Variants in SLC8A1 observed in about 807,000 individuals in gnomAD.
SLC8A1 encodes solute carrier family 8 member A1.
In SLC8A1, 18 loss-of-function variants were observed where a neutral mutation model predicts 68.3. The ratio of observed to expected loss-of-function variants is 0.26; its 90% CI spans 0.18 to 0.39. SLC8A1 has a LOEUF of 0.39. SLC8A1 is among the 10% of genes least tolerant of loss of function. SLC8A1 has a pLI of 1.00. For synonymous variants in SLC8A1, 475 were observed against 415.5 expected (o/e 1.14, Z -1.74); for missense variants, 985 against 1,156.7 (o/e 0.85, Z 2.15).
At chr2:40,143,600 T>C (rs2041958868) in intron 6 of SLC8A1, among the ~76,000 whole-genome samples, 1 of 152,176 alleles carries the variant, frequency 6.6e-6, no homozygotes, top group Non-Finnish European at 1.5e-5. Flanking sequence ...CTGGACTTCT[T>C]AAATATAACT....
At chr2:40,157,268 G>A (rs2044716591) in intron 6 of SLC8A1, among the ~76,000 whole-genome samples, 1 of 152,058 alleles carries the variant, frequency 6.6e-6, no homozygotes, top group Admixed American at 6.6e-5. Flanking sequence ...TAATTCTTAT[G>A]GCAGCTCTAT....
chr2:40,438,617 G>A (rs1699905789), intron 1 of SLC8A1, among the ~76,000 whole-genome samples: 1 of 152,178 alleles, frequency 6.6e-6, no homozygotes, highest in Non-Finnish European at 1.5e-5. Flanking sequence ...ATAAAAGGAA[G>A]GGATGGGAAG....
intron 6 of SLC8A1, among the ~76,000 whole-genome samples, chr2:40,145,265 C>A (rs2042245793): frequency 6.6e-6 from 1 of 152,124 alleles, no homozygotes; most frequent in African/African-American, 2.4e-5. Flanking sequence ...GGCAGAATCT[C>A]CTTTCTTAAG....
chr2:40,441,771 A>G (rs548389924), intron 1 of SLC8A1, among the ~76,000 whole-genome samples: 1 of 152,180 alleles, frequency 6.6e-6, no homozygotes, highest in East Asian at 1.9e-4. Context: ...TTAACTCAAG[A>G]TGGACTGAAG....
At chr2:40,248,837 G>T (rs1388407127) in intron 2 of SLC8A1, among the ~76,000 whole-genome samples, 2 of 152,114 alleles carry the variant, frequency 1.3e-5, no homozygotes, top group Non-Finnish European at 2.9e-5. Flanking sequence ...AGGGATTTAG[G>T]TTCGTTTCTG....
intron 2 of SLC8A1, among the ~76,000 whole-genome samples, chr2:40,234,963 G>A (rs547803542): frequency 6.6e-6 from 1 of 152,242 alleles, no homozygotes; most frequent in East Asian, 1.9e-4. Flanking sequence ...CTTGATCATG[G>A]TGGATAAGCT....
intron 1 of SLC8A1, among the ~76,000 whole-genome samples, chr2:40,458,074 T>C (rs1703129736): frequency 6.6e-6 from 1 of 152,240 alleles, no homozygotes; most frequent in Admixed American, 6.5e-5. Context: ...GATGGTTCTA[T>C]GATTCAGCCA....
At chr2:40,406,209 G>C (rs1343571236) in intron 2 of SLC8A1, among the ~76,000 whole-genome samples, 1 of 152,134 alleles carries the variant, frequency 6.6e-6, no homozygotes, top group African/African-American at 2.4e-5. Flanking sequence ...ATATGCCAAA[G>C]ATTATGCAAA....
intron 2 of SLC8A1, among the ~76,000 whole-genome samples, chr2:40,413,773 C>T (rs1692946809): frequency 6.6e-6 from 1 of 152,030 alleles, no homozygotes; most frequent in East Asian, 1.9e-4. Flanking sequence ...ATTTAAATTT[C>T]CTTTGTTCAT....
intron 2 of SLC8A1, among the ~76,000 whole-genome samples, chr2:40,308,951 C>A (rs1298470083): frequency 6.6e-6 from 1 of 152,122 alleles, no homozygotes; most frequent in Admixed American, 6.5e-5. Flanking sequence ...ATTTGGGGGA[C>A]TGGGTCCTGT....
At chr2:40,108,311 G>A (rs748950524) in exon 8 of SLC8A1, 4 of 152,056 alleles carry the variant, frequency 2.6e-5, no homozygotes, top group Non-Finnish European at 5.9e-5. Flanking sequence ...GGTTGCCAAA[G>A]CCAAAAAGTA....
rs186609619 is a variant in SLC8A1 at position 40,280,880 on chromosome 2, T to C, written c.1809-103025A>G. Among the ~76,000 whole-genome samples, 20 of 152,302 alleles carry C rather than the reference T, an allele frequency of 1.3e-4. No individual in the cohort carries two copies. In the East Asian group the frequency reaches 3.9e-3, roughly 29 times the overall value. ...AAGCAGAGGTGGGTAAAACATGACT[T>C]CAGTTCTCTCAAATAGAATTAATCA... On this transcript the variant is annotated intron_variant, in intron 2 of 7. Coordinates refer to ENST00000406785, the Ensembl canonical transcript of SLC8A1.
At chr2:40,437,946 A>G (rs1156519119) in intron 1 of SLC8A1, among the ~76,000 whole-genome samples, 6 of 152,132 alleles carry the variant, frequency 3.9e-5, no homozygotes, top group African/African-American at 1.2e-4. Context: ...GGACCCTTCC[A>G]TTACTAGAGA....
At chr2:40,315,910 C>T (rs778144920) in intron 2 of SLC8A1, among the ~76,000 whole-genome samples, 10 of 152,014 alleles carry the variant, frequency 6.6e-5, no homozygotes, top group South Asian at 2.1e-4. Context: ...TGTCATGAAA[C>T]GGACCTGGGC....
At chr2:40,122,435 G>A (rs1266113359) in intron 7 of SLC8A1, among the ~76,000 whole-genome samples, 1 of 152,172 alleles carries the variant, frequency 6.6e-6, no homozygotes, top group Non-Finnish European at 1.5e-5. Context: ...AATGGAGACA[G>A]TGACATGACC....
intron 2 of SLC8A1, among the ~76,000 whole-genome samples, chr2:40,219,423 G>A (rs1251213368): frequency 6.6e-6 from 1 of 152,132 alleles, no homozygotes; most frequent in East Asian, 1.9e-4. Flanking sequence ...TCAAAATATT[G>A]TCAAGATTTT....
Position 40,184,557 on chromosome 2 carries a change from T to C in SLC8A1, c.1809-6702A>G, listed in dbSNP as rs72792768. On this transcript the variant is annotated intron_variant, in intron 2 of 7. Coordinates refer to ENST00000406785, the Ensembl canonical transcript of SLC8A1. ...CACAGTGATTTCCTTCTCAAGAAAGTGATGGGAGCTCTGGCGATACGTTTT... is the reference window on the plus strand; with the variant it reads ...CACAGTGATTTCCTTCTCAAGAAAGCGATGGGAGCTCTGGCGATACGTTTT... Among the ~76,000 whole-genome samples, 733 of 152,142 alleles carry C rather than the reference T, an allele frequency of 4.8e-3. 3 individuals are homozygous for C. Among genetic ancestry groups the C allele is most frequent in the Middle Eastern group, 0.02 (6 of 294 alleles).
intron 2 of SLC8A1, among the ~76,000 whole-genome samples, chr2:40,391,582 A>C (rs1685278818): frequency 6.6e-6 from 1 of 152,038 alleles, no homozygotes; most frequent in Non-Finnish European, 1.5e-5. Context: ...TTATAAGAGC[A>C]TTATGACTTT....
At chr2:40,148,008 C>G (rs1411482208) in intron 6 of SLC8A1, among the ~76,000 whole-genome samples, 1 of 152,126 alleles carries the variant, frequency 6.6e-6, no homozygotes, top group Non-Finnish European at 1.5e-5. Flanking sequence ...TGTCACCTCG[C>G]TACAATTACA....
Sources: allele counts gnomAD v4.1 joint callset (sites outside exome capture counted in the v4.1 genomes callset), GRCh38; gene constraint gnomAD v4.1.1; transcripts MANE v1.5; gene names NCBI Gene and HGNC (gene_info 2026-07-23, HGNC 2026-07-21).